BAZ2A: variants seen among roughly 807,000 people sequenced by gnomAD.
BAZ2A encodes the protein bromodomain adjacent to zinc finger domain protein 2A.
A neutral mutation model predicts 199.9 loss-of-function variants in BAZ2A; 34 were observed. The ratio of observed to expected loss-of-function variants is 0.17; its 90% CI spans 0.13 to 0.23. The LOEUF (loss-of-function observed/expected upper bound fraction) is 0.23, where lower values mean the gene tolerates loss of function less well. Ranked by LOEUF, BAZ2A falls within the 10% of genes least tolerant of loss-of-function variation. The pLI is 1.00. For missense variants in BAZ2A, 2,002 were observed against 2,391.1 expected (o/e 0.84, Z 3.39); for synonymous variants, 857 against 883.9 (o/e 0.97, Z 0.54).
At position 56,630,280 on chromosome 12, in the gene BAZ2A, C is replaced by T; in HGVS notation, c.-158G>A. ...CGGGAAGGGGGAGGGGGACGCGGCT[C>T]AACCGCGGGGCCCGAGAGGAGCCAA... On this transcript the variant is annotated 5_prime_UTR_variant, in exon 1 of 29. The change abolishes the stop of an existing upstream ORF in the 5' untranslated region. Coordinates refer to ENST00000549884, the MANE Select transcript of BAZ2A (RefSeq NM_001300905.2). 3.0e-6 allele frequency: 3 copies of T among 984,884 alleles called. No homozygotes were observed. Among genetic ancestry groups the T allele is most frequent in the Non-Finnish European group, 3.6e-6 (3 of 829,400 alleles). The allele number at this position is 984,884 out of a possible 1,614,324, so 61.0% of individuals were successfully genotyped here.
chr12:56,627,807 CG>C (rs1405740352), intron 1 of BAZ2A, among the ~76,000 whole-genome samples: 2 of 134,132 alleles, frequency 1.5e-5, no homozygotes, highest in Non-Finnish European at 3.1e-5. Flanking sequence ...GCCTGGGCAT[CG>C]GAGTGAGACC....
chr12:56,614,004 T>G lies in BAZ2A; in HGVS notation c.865A>C (p.Thr289Pro). 6.2e-7 allele frequency: 1 copy of G among 1,613,876 alleles called. No homozygotes were observed. Among genetic ancestry groups the G allele is most frequent in the Non-Finnish European group, 8.5e-7 (1 of 1,179,862 alleles). ...AGAGAGTCTTCACTGAGGATTGGAGTGTCTTCCAGTTGATCAGGAAGATGT... is the reference window on the plus strand; with the variant it reads ...AGAGAGTCTTCACTGAGGATTGGAGGGTCTTCCAGTTGATCAGGAAGATGT... ...PSHLPDQLED[T>P]PILSEDSLEP... The change falls in exon 4 of 29, where the codon ACT (threonine) becomes CCT (proline). Residue 289 changes from threonine (T) to proline (P), a missense_variant. By Grantham distance (38) the Thr-to-Pro change is conservative. This residue lies in a region of BAZ2A where 641 missense variants were observed against 694.5 expected (regional missense o/e 0.92). Transcript: ENST00000549884.
intron 5 of BAZ2A, 99 bp downstream of exon 5, chr12:56,612,916 C>T (rs1333064869): frequency 8.8e-6 from 12 of 1,358,210 alleles, no homozygotes; most frequent in Non-Finnish European, 1.1e-5. Flanking sequence ...GCCACTGCGC[C>T]CAGCCAGATT....
upstream of BAZ2A, among the ~76,000 whole-genome samples, chr12:56,631,842 G>C (rs1320105301): frequency 6.6e-6 from 1 of 152,092 alleles, no homozygotes; most frequent in East Asian, 1.9e-4. Flanking sequence ...GTCTACATTG[G>C]ATTTCCTTAC....
At chr12:56,634,115 G>A (rs1275354242), upstream of BAZ2A, among the ~76,000 whole-genome samples, 1 of 152,170 alleles carries the variant, frequency 6.6e-6, no homozygotes, top group Admixed American at 6.5e-5. Context: ...TCTCTATGGT[G>A]GTCCTGGAAG....
Position 56,602,201 on chromosome 12 carries a change from A to G in BAZ2A, c.3425-9T>C, listed in dbSNP as rs912003594. 1 of 1,559,948 alleles carries G rather than the reference A, an allele frequency of 6.4e-7. No homozygotes were observed. The highest frequency in any genetic ancestry group is 1.9e-5 in the Admixed American group (1 of 52,632). ...TATCACCTCCTCAGGAACTGTAAAG[A>G]GAAGTAAAGAGTTAAGCCATATGCT... On this transcript the variant is annotated splice_polypyrimidine_tract_variant and intron_variant, in intron 19 of 28. Coordinates refer to ENST00000549884, the MANE Select transcript of BAZ2A (RefSeq NM_001300905.2).
chr12:56,612,147 T>C lies in BAZ2A; in HGVS notation c.1235A>G (p.Asp412Gly), dbSNP rs1430466209. Residue 412 changes from aspartate (D) to glycine (G), a missense_variant, in exon 6 of 29, where the codon GAT (aspartate) becomes GGT (glycine). Physicochemically the swap from Asp to Gly is moderately conservative, Grantham distance 94 (BLOSUM62 -1). Around this residue, in one of 6 missense-constraint regions of BAZ2A, gnomAD observed 641 missense variants for 694.5 expected, o/e 0.92. Coordinates refer to ENST00000549884, the MANE Select transcript of BAZ2A (RefSeq NM_001300905.2). ...ATGTAGCTGAATAGTGGATGACTGATCAGGAGCTGGCTGGGTCAGGGATGG... is the reference window on the plus strand; with the variant it reads ...ATGTAGCTGAATAGTGGATGACTGACCAGGAGCTGGCTGGGTCAGGGATGG... ...FPPSLTQPAP[D>G]QSSTIQLHPA... is the part of the protein sequence containing the mutation. The C allele has an allele frequency of 6.2e-7, 1 of 1,613,902 alleles. No homozygotes were observed. The highest frequency in any genetic ancestry group is 1.7e-5 in the Admixed American group (1 of 60,012).
intron 2 of BAZ2A, 70 bp from the exon 3 acceptor site, chr12:56,615,677 A>G (rs1013176543): frequency 1.7e-6 from 2 of 1,184,604 alleles, no homozygotes. Flanking sequence ...ACAAACTCAA[A>G]GTAATAGCAC....
intron 26 of BAZ2A, 86 bp from the exon 27 acceptor site, chr12:56,599,444 G>T: frequency 6.9e-7 from 1 of 1,441,422 alleles, no homozygotes; most frequent in Non-Finnish European, 9.4e-7. Context: ...ATGATTTAAG[G>T]CTTCAAAATA....
Position 56,604,295 on chromosome 12 carries a change from C to A in BAZ2A, c.2964-4G>T, listed in dbSNP as rs774135442. On this transcript the variant is annotated splice_region_variant and splice_polypyrimidine_tract_variant and intron_variant, in intron 15 of 28. Transcript: ENST00000549884. ...CTCCAGAGTCTTGTCAATCTCACTG[C>A]AGGGGAATAGGGAATAGGATGAAGT... The A allele has an allele frequency of 2.9e-5, 46 of 1,605,908 alleles. No homozygotes were observed. Among genetic ancestry groups the A allele is most frequent in the Non-Finnish European group, 3.8e-5 (45 of 1,175,776 alleles).
rs768747197 is a variant in BAZ2A at position 56,615,583 on chromosome 12, T to C, written c.161A>G (p.Asn54Ser). 127 of 1,604,172 alleles carry C rather than the reference T, an allele frequency of 7.9e-5. No individual in the cohort carries two copies. The highest frequency in any genetic ancestry group is 1.0e-4 in the Non-Finnish European group (120 of 1,174,020). ...GKSLNGDVNV[N>S]GLSTVSHTTT... is the part of the protein sequence containing the mutation. ...AGTGTGAGATACAGTAGATAAGCCA[T>C]TAACATTCACATCCCCATTCAAACC... is the stretch of plus-strand genomic sequence containing the variant. Residue 54 changes from asparagine to serine, a missense_variant, in exon 3 of 29, where the codon AAT becomes AGT. By Grantham distance (46) the Asn-to-Ser change is conservative. Around this residue, in one of 6 missense-constraint regions of BAZ2A, gnomAD observed 641 missense variants for 694.5 expected, o/e 0.92. Transcript: ENST00000549884.
chr12:56,611,818 C>G lies in BAZ2A; in HGVS notation c.1564G>C (p.Asp522His). Reference sequence around the variant, plus strand: ...CCTTCTCCAGTGATCTCTTCCACGTCAGCAGTGGTTTCTAGAAAGCTGCTG... The same window carrying G: ...CCTTCTCCAGTGATCTCTTCCACGTGAGCAGTGGTTTCTAGAAAGCTGCTG... ...DVSSFLETTA[D>H]VEEITGEGLT... The change falls in exon 6 of 29, where the codon GAC (aspartate) becomes CAC (histidine). Residue 522 changes from aspartate to histidine, a missense_variant. Physicochemically the swap from Asp to His is moderately conservative, Grantham distance 81. Around this residue, in one of 6 missense-constraint regions of BAZ2A, gnomAD observed 641 missense variants for 694.5 expected, o/e 0.92. Transcript: ENST00000549884. 6.4e-7 allele frequency: 1 copy of G among 1,569,906 alleles called. No individual in the cohort carries two copies. The highest frequency in any genetic ancestry group is 1.2e-5 in the South Asian group (1 of 83,798).
At chr12:56,624,864 G>C (rs751196311) in intron 1 of BAZ2A, among the ~76,000 whole-genome samples, 1 of 152,166 alleles carries the variant, frequency 6.6e-6, no homozygotes, top group South Asian at 2.1e-4. Context: ...GGAGGCTGCA[G>C]TGGGCTATGA....
In BAZ2A at chr12:56,630,317, G is replaced by C. The variant is rs1297310256; in HGVS notation, c.-195C>G. ...CCGAGAGGAGCCAACATGGCCGGCG[G>C]GGGAGGAGTGAGTCGGAGCCGGAGG... On this transcript the variant is annotated 5_prime_UTR_variant, in exon 1 of 29. Coordinates refer to ENST00000549884, the MANE Select transcript of BAZ2A (RefSeq NM_001300905.2). 7 of 982,482 alleles carry C rather than the reference G, an allele frequency of 7.1e-6. No homozygotes were observed. The highest frequency in any genetic ancestry group is 7.3e-6 in the Non-Finnish European group (6 of 827,342). 60.9% of individuals were successfully genotyped at this position (982,482 alleles called of 1,614,324 possible).
At chr12:56,610,240 T>C in intron 8 of BAZ2A, 25 bp from the exon 9 acceptor site, 2 of 1,611,996 alleles carry the variant, frequency 1.2e-6, no homozygotes, top group Non-Finnish European at 1.7e-6. Flanking sequence ...TAAAGTAACA[T>C]TAATAAAGTT....
intron 1 of BAZ2A, among the ~76,000 whole-genome samples, chr12:56,620,458 G>A (rs886748404): frequency 3.3e-5 from 5 of 152,148 alleles, no homozygotes; most frequent in East Asian, 1.9e-4. Context: ...CCAAGATCAT[G>A]CCACTGCATT....
At chr12:56,606,553 G>T in intron 11 of BAZ2A, 80 bp downstream of exon 11, 1 of 1,386,414 alleles carries the variant, frequency 7.2e-7, no homozygotes, top group Non-Finnish European at 1.0e-6. Context: ...GGGAGTGACG[G>T]ATGTGGGAAA....
rs758424554 is a variant in BAZ2A at position 56,601,521 on chromosome 12, C to CAT, written c.4071+23_4071+24dup. 1.4e-5 allele frequency: 22 copies of CAT among 1,607,248 alleles called. 1 individual carries two copies. The East Asian group carries it at 4.5e-4, about 33-fold the overall frequency. Reference sequence around the variant, plus strand: ...GCCTGTGGCAAGATGAAATCAAGTGCATACTACTAATTCTGGCTACTTACT... The same window carrying CAT: ...GCCTGTGGCAAGATGAAATCAAGTGCATATACTACTAATTCTGGCTACTTACT... On this transcript the variant is annotated intron_variant, in intron 20 of 28. Transcript: ENST00000549884.
intron 5 of BAZ2A, 31 bp downstream of exon 5, chr12:56,612,984 G>T (rs761903352): frequency 6.4e-7 from 1 of 1,572,222 alleles, no homozygotes; most frequent in South Asian, 1.1e-5. Flanking sequence ...TCAGGTAAAG[G>T]TCTTTCTTTG....
Sources: allele counts gnomAD v4.1 joint callset (sites outside exome capture counted in the v4.1 genomes callset), GRCh38; gene constraint gnomAD v4.1.1; regional missense constraint gnomAD v4.1.1; transcripts MANE v1.5; gene names NCBI Gene and HGNC (gene_info 2026-07-23, HGNC 2026-07-21).